The following GAK variants were observed in gnomAD, a reference collection of about 807,000 sequenced individuals.
The protein encoded by GAK is cyclin G associated kinase.
In GAK, 79 loss-of-function variants were observed where a neutral mutation model predicts 143.9. That is an observed-to-expected ratio of 0.55 (90% CI 0.46 to 0.66). GAK has a LOEUF of 0.66. Among genes scored for constraint, GAK ranks in the 30% least tolerant of loss-of-function variants. The pLI is 0.00. For missense variants in GAK, 1,693 were observed against 1,779.7 expected, an observed-to-expected ratio of 0.95 and a Z score of 0.88; for synonymous variants, 881 against 765.5, an observed-to-expected ratio of 1.15 and a Z score of -2.49.
chr4:888,980 GAC>G lies in GAK; in HGVS notation c.1082-12_1082-11del, dbSNP rs1491505565. On this transcript the variant is annotated splice_polypyrimidine_tract_variant and intron_variant, in intron 10 of 27. Transcript: ENST00000314167. ...TCCGCCAGCGCCAGGCCTGCAGGGA[GAC>G]ACAGTCTCAGCAGGCCCCAGGTGCT... 41 of 1,608,986 alleles carry G rather than the reference GAC, an allele frequency of 2.5e-5. No individual in the cohort carries two copies. In the Admixed American group the frequency reaches 3.3e-4, roughly 13 times the overall value.
At position 893,487 on chromosome 4, in the gene GAK, C is replaced by T. The variant is rs372500341; in HGVS notation, c.880G>A (p.Ala294Thr). ...TCCTCCGGGTTCACCTGCAGCATGGCGCCTGCAGCAGAAGCACAGCGCGCT... is the reference window on the plus strand; with the variant it reads ...TCCTCCGGGTTCACCTGCAGCATGGTGCCTGCAGCAGAAGCACAGCGCGCT... ...QYTVFHSLIR[A>T]MLQVNPEERL... The change falls in exon 9 of 28, where the codon GCC becomes ACC. Residue 294 changes from alanine to threonine, a missense_variant and splice_region_variant. By Grantham distance (58) the Ala-to-Thr change is moderately conservative. Around this residue, in one of 2 missense-constraint regions of GAK, gnomAD observed 871 missense variants for 991.0 expected, o/e 0.88. Coordinates refer to ENST00000314167, the MANE Select transcript of GAK (RefSeq NM_005255.4). 2.3e-4 allele frequency: 353 copies of T among 1,565,140 alleles called. No homozygotes were observed. Among genetic ancestry groups the T allele is most frequent in the Non-Finnish European group, 2.7e-4 (316 of 1,158,528 alleles).
At chr4:902,605 A>AAAAAAAAAAAAAAAAAAAAAAC (rs1180561371) in intron 5 of GAK, among the ~76,000 whole-genome samples, 11 of 130,358 alleles carry the variant, frequency 8.4e-5, no homozygotes, top group Non-Finnish European at 1.7e-4. Context: ...TCAAAAAAAA[A>AAAAAAAAAAAAAAAAAAAAAAC]AAAAAAAAAC....
chr4:927,158 G>C (rs79766792), intron 1 of GAK, among the ~76,000 whole-genome samples: 1 of 55,054 alleles, frequency 1.8e-5, no homozygotes, highest in Non-Finnish European at 3.4e-5. Flanking sequence ...GCTCACCTGC[G>C]CTCCGCACTG....
intron 20 of GAK, 134 bp downstream of exon 20, chr4:868,405 G>A: frequency 8.0e-6 from 6 of 747,688 alleles, no homozygotes; most frequent in Non-Finnish European, 1.3e-5. Context: ...TGACATGCCG[G>A]GTGCACAGCC....
chr4:892,787 C>T (rs540245138), intron 9 of GAK, among the ~76,000 whole-genome samples: 1 of 152,364 alleles, frequency 6.6e-6, no homozygotes, highest in Non-Finnish European at 1.5e-5. Context: ...GAAACAAAGA[C>T]ACAGGAGCAA....
chr4:913,369 A>G (rs913507734), intron 2 of GAK, among the ~76,000 whole-genome samples: 1 of 152,216 alleles, frequency 6.6e-6, no homozygotes, highest in Non-Finnish European at 1.5e-5. Flanking sequence ...GGTCACCCCC[A>G]GCACAGCCCC....
intron 22 of GAK, 38 bp downstream of exon 22, chr4:866,326 G>T: frequency 6.3e-7 from 1 of 1,595,568 alleles, no homozygotes; most frequent in Non-Finnish European, 8.6e-7. Context: ...TGAGGGAGGC[G>T]GCCATGGAGA....
At chr4:858,435 C>T (rs1472912716) in intron 24 of GAK, among the ~76,000 whole-genome samples, 1 of 152,164 alleles carries the variant, frequency 6.6e-6, no homozygotes, top group Admixed American at 6.5e-5. Context: ...ACTCCTTCTG[C>T]CCCAGTGCCG....
chr4:871,481 C>T (rs2152767963), intron 18 of GAK, among the ~76,000 whole-genome samples: 1 of 152,370 alleles, frequency 6.6e-6, no homozygotes, highest in Non-Finnish European at 1.5e-5. Context: ...AACAGATGCC[C>T]ATAAAACCAA....
chr4:861,794 TAC>T (rs1750328718), intron 23 of GAK, among the ~76,000 whole-genome samples: 1 of 152,236 alleles, frequency 6.6e-6, no homozygotes, highest in East Asian at 1.9e-4. Flanking sequence ...CCACTGCCCA[TAC>T]AGAGGAAGTT....
chr4:890,438 G>C, intron 10 of GAK, 94 bp downstream of exon 10: 1 of 900,496 alleles, frequency 1.1e-6, no homozygotes, highest in South Asian at 1.7e-5. Flanking sequence ...GGCCCCGGGA[G>C]AGAAGGACCC....
chr4:882,617 G>C, intron 14 of GAK, 80 bp downstream of exon 14: 1 of 1,536,138 alleles, frequency 6.5e-7, no homozygotes, highest in Admixed American at 1.7e-5. Flanking sequence ...CTCATGACTG[G>C]CGCTCAGATC....
chr4:902,596 C>CAAAAAGAAAAAA (rs1720088382), intron 5 of GAK, among the ~76,000 whole-genome samples: 1 of 60,730 alleles, frequency 1.6e-5, no homozygotes, highest in African/African-American at 8.2e-5. Context: ...GTGACTGACT[C>CAAAAAGAAAAAA]AAAAAAAAAA....
At chr4:864,610 T>C (rs1177394135) in intron 23 of GAK, among the ~76,000 whole-genome samples, 2 of 152,074 alleles carry the variant, frequency 1.3e-5, no homozygotes, top group Non-Finnish European at 2.9e-5. Context: ...CTGCTGTACG[T>C]GACCCCCTTC....
At chr4:929,878 A>C (rs1231456622) in intron 1 of GAK, among the ~76,000 whole-genome samples, 1 of 152,238 alleles carries the variant, frequency 6.6e-6, no homozygotes, top group Non-Finnish European at 1.5e-5. Context: ...ATAAAACCTG[A>C]CATGAACTGA....
chr4:850,002 G>A lies in GAK; in HGVS notation c.3724C>T (p.Leu1242=), dbSNP rs1480840279. The change falls in exon 27 of 28, where the codon CTG becomes TTG. Residue 1242 remains leucine, a synonymous_variant. Transcript: ENST00000314167. ...GTCCAGCGGCTCTCCCCGTCCCACA[G>A]CACTGTGTGCAGCGTGGACAGCAGG... ...RALLSTLHTV[L]WDGESRWTPV... 1 of 1,610,430 alleles carries A rather than the reference G, an allele frequency of 6.2e-7. No homozygotes were observed. The highest frequency in any genetic ancestry group is 1.1e-5 in the South Asian group (1 of 90,484).
At chr4:882,860 C>T (rs1452494168) in intron 13 of GAK, 41 bp from the exon 14 acceptor site, 4 of 1,594,824 alleles carry the variant, frequency 2.5e-6, no homozygotes, top group Non-Finnish European at 3.4e-6. Flanking sequence ...GCAGAGGAGC[C>T]CCGCCCCAGC....
rs535381276 is a variant in GAK, at chr4:881,530, G to A, written c.1661+377C>T. 7.2e-5 allele frequency among the ~76,000 whole-genome samples: 11 copies of A among 152,352 alleles called. No individual in the cohort carries two copies. The East Asian group carries it at 2.1e-3, about 29-fold the overall frequency. On this transcript the variant is annotated intron_variant, in intron 15 of 27. Transcript: ENST00000314167. ...TATTTGGCAGGGCCCTAAACACGCTGTGACTGTACTCATGTCTGAGCAGCG... is the reference window on the plus strand; with the variant it reads ...TATTTGGCAGGGCCCTAAACACGCTATGACTGTACTCATGTCTGAGCAGCG...
intron 22 of GAK, among the ~76,000 whole-genome samples, chr4:865,507 T>C (rs543598103): frequency 2.0e-5 from 3 of 151,834 alleles, no homozygotes; most frequent in African/African-American, 7.2e-5. Context: ...CGCATTCCCA[T>C]CCAAAAGGGT....
Sources: allele counts gnomAD v4.1 joint callset (sites outside exome capture counted in the v4.1 genomes callset), GRCh38; gene constraint gnomAD v4.1.1; regional missense constraint gnomAD v4.1.1; transcripts MANE v1.5; gene names NCBI Gene and HGNC (gene_info 2026-07-23, HGNC 2026-07-21).